CSMD2: variants seen among roughly 807,000 people sequenced by gnomAD.
CSMD2 encodes CUB and Sushi multiple domains 2, also known as CUB and sushi domain-containing protein 2.
A neutral mutation model predicts 398.5 loss-of-function variants in CSMD2; 130 were observed. The observed-to-expected ratio is 0.33, with a 90% confidence interval of 0.28 to 0.38. CSMD2 has a LOEUF of 0.38. Among genes scored for constraint, CSMD2 ranks in the 10% least tolerant of loss-of-function variants. The pLI, the probability that CSMD2 is intolerant of heterozygous loss-of-function variation, is 1.00. For synonymous variants in CSMD2, 1,828 were observed against 1,908.5 expected, an observed-to-expected ratio of 0.96 and a Z score of 1.10; for missense variants, 3,829 against 4,764.9, an observed-to-expected ratio of 0.80 and a Z score of 5.78.
At chr1:33,918,678 G>A (rs950291835) in intron 4 of CSMD2, among the ~76,000 whole-genome samples, 2 of 152,124 alleles carry the variant, frequency 1.3e-5, no homozygotes, top group Non-Finnish European at 2.9e-5. Context: ...AGATAGTAAT[G>A]GCATGTAGGA....
intron 29 of CSMD2, among the ~76,000 whole-genome samples, chr1:33,645,342 T>TACACAC: frequency 1.9e-5 from 2 of 104,304 alleles, no homozygotes; most frequent in African/African-American, 7.8e-5. Flanking sequence ...TATGGAGCAT[T>TACACAC]ATACACACAC....
At chr1:33,868,777 G>A (rs944634917) in intron 5 of CSMD2, among the ~76,000 whole-genome samples, 10 of 151,902 alleles carry the variant, frequency 6.6e-5, no homozygotes, top group African/African-American at 1.5e-4. Context: ...TACATATATC[G>A]AATCAGTTTT....
intron 3 of CSMD2, among the ~76,000 whole-genome samples, chr1:33,953,586 G>A (rs1645073926): frequency 6.6e-6 from 1 of 152,142 alleles, no homozygotes; most frequent in Admixed American, 6.5e-5. Flanking sequence ...AATCCAAGTG[G>A]GTCTTTACCA....
Position 33,567,478 on chromosome 1 carries a change from C to CATATAT in CSMD2, c.8380+109_8380+114dup, listed in dbSNP as rs774765893. Reference sequence around the variant, plus strand: ...CAGTTTTGAAAAAAAAAATAGCAATCATATATATATATATATATTTAAAAC... The same window carrying CATATAT: ...CAGTTTTGAAAAAAAAAATAGCAATCATATATATATATATATATATATATTTAAAAC... On this transcript the variant is annotated intron_variant, in intron 53 of 70. Transcript: ENST00000373381. 4.5e-4 allele frequency: 210 copies of CATATAT among 469,844 alleles called. 1 individual carries two copies. Among genetic ancestry groups the CATATAT allele is most frequent in the Admixed American group, 8.2e-4 (17 of 20,788 alleles). 29.1% of individuals were successfully genotyped at this position (469,844 alleles called of 1,614,324 possible).
chr1:34,157,327 T>G (rs1320160409), intron 1 of CSMD2, among the ~76,000 whole-genome samples: 2 of 152,112 alleles, frequency 1.3e-5, no homozygotes, highest in Non-Finnish European at 2.9e-5. Flanking sequence ...TCAAGGTATT[T>G]CCAGTGCCCT....
In CSMD2 at chr1:33,957,929, CTGTGTGTGTG is replaced by C. The variant is rs72457395; in HGVS notation, c.518-21985_518-21976del. Among the ~76,000 whole-genome samples the C allele has an allele frequency of 4.0e-3, 605 of 150,196 alleles. 5 individuals carry two copies. The highest frequency in any genetic ancestry group is 0.014 in the African/African-American group (573 of 41,126). On this transcript the variant is annotated intron_variant, in intron 3 of 70. Coordinates refer to ENST00000373381, the MANE Select transcript of CSMD2 (RefSeq NM_001281956.2). ...TGTACTAGACCCATTAACTCAGTCA[CTGTGTGTGTG>C]TGTGTGTGTGTGTGTGTGCACGCAC...
rs75796878 is a variant in CSMD2, at chr1:33,617,925, C to A, written c.5828-308G>T. Among the ~76,000 whole-genome samples the A allele has an allele frequency of 3.5e-4, 54 of 152,262 alleles. No homozygotes were observed. The East Asian group carries it at 0.01, about 28-fold the overall frequency. On this transcript the variant is annotated intron_variant, in intron 37 of 70. Transcript: ENST00000373381. ...CTAGGGGGCTTAGCTAGGGAGACTTCTCTGCATGCTCTCCTCCCACATCCC... is the reference window on the plus strand; with the variant it reads ...CTAGGGGGCTTAGCTAGGGAGACTTATCTGCATGCTCTCCTCCCACATCCC...
intron 12 of CSMD2, among the ~76,000 whole-genome samples, chr1:33,786,847 T>C (rs1414279335): frequency 6.6e-6 from 1 of 152,232 alleles, no homozygotes; most frequent in African/African-American, 2.4e-5. Context: ...GAGACATCAT[T>C]GTATGACATT....
At chr1:34,067,444 C>T (rs1182974006) in intron 2 of CSMD2, among the ~76,000 whole-genome samples, 1 of 152,304 alleles carries the variant, frequency 6.6e-6, no homozygotes, top group East Asian at 1.9e-4. Context: ...ATTCAACAAA[C>T]TCTACAAAGG....
At chr1:34,094,913 T>C (rs1203825047) in intron 1 of CSMD2, among the ~76,000 whole-genome samples, 4 of 148,568 alleles carry the variant, frequency 2.7e-5, no homozygotes, top group African/African-American at 5.0e-5. Context: ...GCGGACCTAA[T>C]AGACATCTAC....
At chr1:33,841,292 T>C (rs1660824398) in intron 6 of CSMD2, among the ~76,000 whole-genome samples, 1 of 152,198 alleles carries the variant, frequency 6.6e-6, no homozygotes. Context: ...CAGCTCTTTC[T>C]CACTGTGCAA....
At chr1:33,581,607 G>A (rs1452103528) in intron 47 of CSMD2, among the ~76,000 whole-genome samples, 1 of 147,802 alleles carries the variant, frequency 6.8e-6, no homozygotes, top group Non-Finnish European at 1.5e-5. Context: ...TTTATGGAAT[G>A]AATACATAGC....
chr1:33,549,348 TC>T (rs1302633399), intron 56 of CSMD2, among the ~76,000 whole-genome samples: 1 of 152,174 alleles, frequency 6.6e-6, no homozygotes, highest in African/African-American at 2.4e-5. Context: ...AGCAGCTCCC[TC>T]TTGCAGGCAA....
chr1:33,771,501 CATAA>C (rs1341602102), intron 13 of CSMD2, among the ~76,000 whole-genome samples: 16 of 152,074 alleles, frequency 1.1e-4, no homozygotes, highest in African/African-American at 3.6e-4. Context: ...AGACTTTTTA[CATAA>C]ATAAACTCAA....
intron 22 of CSMD2, among the ~76,000 whole-genome samples, chr1:33,707,735 ACACACAC>A (rs1557765151): frequency 4.7e-5 from 7 of 150,372 alleles, no homozygotes; most frequent in African/African-American, 1.7e-4. Context: ...ACACACACAC[ACACACAC>A]ACCATACACC....
At chr1:33,704,233 G>C (rs1645702017) in intron 22 of CSMD2, among the ~76,000 whole-genome samples, 1 of 151,880 alleles carries the variant, frequency 6.6e-6, no homozygotes, top group Non-Finnish European at 1.5e-5. Context: ...GAGTTTATTA[G>C]TTGATTGTTT....
intron 2 of CSMD2, among the ~76,000 whole-genome samples, chr1:34,081,620 G>A (rs1050644647): frequency 3.3e-5 from 5 of 152,136 alleles, no homozygotes; most frequent in African/African-American, 9.7e-5. Flanking sequence ...GGGTTTCGCC[G>A]TGTTGGCCGG....
chr1:33,904,407 T>C (rs976024036), intron 5 of CSMD2, among the ~76,000 whole-genome samples: 1 of 152,190 alleles, frequency 6.6e-6, no homozygotes, highest in African/African-American at 2.4e-5. Context: ...AAACAAAATG[T>C]GGTTTAGACA....
Position 34,021,276 on chromosome 1 carries a change from T to A in CSMD2, c.517+11318A>T, listed in dbSNP as rs541184423. 2.1e-4 allele frequency among the ~76,000 whole-genome samples: 32 copies of A among 152,318 alleles called. 1 individual carries two copies. In the South Asian group the frequency reaches 6.6e-3, roughly 32 times the overall value. On this transcript the variant is annotated intron_variant, in intron 3 of 70. Coordinates refer to ENST00000373381, the MANE Select transcript of CSMD2 (RefSeq NM_001281956.2). ...CCAAGGAAGAGGTGGCAGAAAGGCA[T>A]GCATCCCCTAAACCTCTAGGGCTGG... is the stretch of plus-strand genomic sequence containing the variant.
Sources: gnomAD v4.1 joint callset for allele counts (sites outside exome capture counted in the v4.1 genomes callset) on GRCh38, gnomAD v4.1.1 for gene constraint, MANE v1.5 for transcripts, NCBI Gene and HGNC (gene_info 2026-07-23, HGNC 2026-07-21) for gene names.